TEX11: variants seen among roughly 807,000 people sequenced by gnomAD.
The protein encoded by TEX11 is testis expressed 11, also known as testis-expressed protein 11.
A neutral mutation model predicts 84.4 loss-of-function variants in TEX11; 7 were observed. The ratio of observed to expected loss-of-function variants is 0.08; its 90% CI spans 0.05 to 0.16. TEX11 has a LOEUF of 0.16. TEX11 is among the 10% of genes least tolerant of loss of function. The probability of loss-of-function intolerance (pLI) is 1.00; values close to 1 mark genes in which losing one functional copy is unlikely to be tolerated. For synonymous variants in TEX11, 264 were observed against 222.8 expected, an observed-to-expected ratio of 1.18 and a Z score of -1.64; for missense variants, 551 against 660.5, an observed-to-expected ratio of 0.83 and a Z score of 1.82.
intron 25 of TEX11, among the ~76,000 whole-genome samples, chrX:70,564,510 C>A (rs1024391529): frequency 3.7e-5 from 4 of 107,643 alleles, no homozygotes; most frequent in African/African-American, 1.4e-4. Context: ...CCCATTAACT[C>A]GTCATTTAGC....
chrX:70,529,137 G>A lies in TEX11; in HGVS notation c.2736C>T (p.Gly912=). ...QLVEALSNNK[G]PVFHEHGYWS... is the part of the protein sequence containing the mutation. ...AGTAGCCATGTTCATGAAAAACTGG[G>A]CCCTTGTTGTTACTCAATGCTTCCA... Residue 912 remains glycine (G), a synonymous_variant, in exon 30 of 30, where the codon GGC becomes GGT. Transcript: ENST00000374333. The A allele has an allele frequency of 8.3e-7, 1 of 1,210,650 alleles. No homozygotes were observed. The highest frequency in any genetic ancestry group is 1.1e-6 in the Non-Finnish European group (1 of 894,828).
chrX:70,795,526 G>C (rs1315935366), intron 9 of TEX11, among the ~76,000 whole-genome samples: 1 of 111,788 alleles, frequency 8.9e-6, no homozygotes, highest in Non-Finnish European at 1.9e-5. Context: ...AGCAGGCCTT[G>C]GGTGAGACCC....
chrX:70,818,988 C>A (rs1198580485), intron 8 of TEX11, among the ~76,000 whole-genome samples: 1 of 111,886 alleles, frequency 8.9e-6, no homozygotes, highest in African/African-American at 3.2e-5. Flanking sequence ...TACTAAATGG[C>A]TTCTCTGGTG....
chrX:70,904,466 G>A, intron 2 of TEX11, among the ~76,000 whole-genome samples: 1 of 111,914 alleles, frequency 8.9e-6, no homozygotes, highest in Non-Finnish European at 1.9e-5. Flanking sequence ...TTATTCCAAA[G>A]TAAAATGGTA....
intron 8 of TEX11, among the ~76,000 whole-genome samples, chrX:70,811,313 A>G (rs2091252780): frequency 9.1e-6 from 1 of 110,279 alleles, no homozygotes; most frequent in Non-Finnish European, 1.9e-5. Context: ...GCTGAGAATG[A>G]TGGTTTCCAG....
At chrX:70,612,946 T>C (rs1227250333) in intron 20 of TEX11, among the ~76,000 whole-genome samples, 1 of 111,147 alleles carries the variant, frequency 9.0e-6, no homozygotes, top group Non-Finnish European at 1.9e-5. Flanking sequence ...AAAAAATACC[T>C]TACCTAAAGA....
chrX:70,524,888 A>C (rs2087808676), downstream of TEX11, among the ~76,000 whole-genome samples: 1 of 112,630 alleles, frequency 8.9e-6, no homozygotes, highest in African/African-American at 3.2e-5. Context: ...AAAAACTGGA[A>C]GTAGGCCGGA....
chrX:70,637,394 C>T (rs1164456629), intron 17 of TEX11, among the ~76,000 whole-genome samples: 1 of 112,510 alleles, frequency 8.9e-6, no homozygotes, highest in Non-Finnish European at 1.9e-5. Context: ...TACTATATGA[C>T]CTGGCAATCC....
chrX:70,585,146 G>C (rs906992317), intron 25 of TEX11, among the ~76,000 whole-genome samples: 26 of 111,996 alleles, frequency 2.3e-4, no homozygotes, highest in African/African-American at 8.4e-4. Context: ...AAATCCCAAA[G>C]AAACCACAAG....
At chrX:70,709,600 A>C (rs1012491787) in intron 13 of TEX11, among the ~76,000 whole-genome samples, 1 of 111,647 alleles carries the variant, frequency 9.0e-6, no homozygotes, top group African/African-American at 3.2e-5. Flanking sequence ...GTATAGTGTA[A>C]GTTTATGGAA....
chrX:70,769,966 T>A (rs1313252675), intron 9 of TEX11, among the ~76,000 whole-genome samples: 1 of 111,955 alleles, frequency 8.9e-6, no homozygotes, highest in Non-Finnish European at 1.9e-5. Flanking sequence ...TCTTCTGTTA[T>A]CCTCATTCCA....
chrX:70,585,651 T>C (rs1458745741), intron 25 of TEX11, among the ~76,000 whole-genome samples: 2 of 112,277 alleles, frequency 1.8e-5, no homozygotes, highest in African/African-American at 3.2e-5. Context: ...ACCATACAGA[T>C]AGACATATAG....
At chrX:70,584,123 C>CA (rs1215551087) in intron 25 of TEX11, among the ~76,000 whole-genome samples, 15 of 100,219 alleles carry the variant, frequency 1.5e-4, no homozygotes, top group South Asian at 4.7e-4. Context: ...ACTAAAAATA[C>CA]AAAAAAAAAA....
chrX:70,864,671 G>A (rs757301768), intron 4 of TEX11, among the ~76,000 whole-genome samples: 2 of 105,643 alleles, frequency 1.9e-5, no homozygotes, highest in African/African-American at 6.9e-5. Flanking sequence ...AAACCCGGGA[G>A]GCAGGGGTTG....
At position 70,656,932 on chromosome X, in the gene TEX11, C is replaced by T. The variant is rs145979087; in HGVS notation, c.1381-5380G>A. Reference sequence around the variant, plus strand: ...TAGAGCTCCCCTCTGAGAGGCTCCACACTAAGGAGAAACTGCTGAGAGTAC... The same window carrying T: ...TAGAGCTCCCCTCTGAGAGGCTCCATACTAAGGAGAAACTGCTGAGAGTAC... On this transcript the variant is annotated intron_variant, in intron 16 of 29. Coordinates refer to ENST00000374333, the MANE Select transcript of TEX11 (RefSeq NM_031276.3). Among the ~76,000 whole-genome samples, 561 of 111,782 alleles carry T rather than the reference C, an allele frequency of 5.0e-3. 4 individuals are homozygous for T. The highest frequency in any genetic ancestry group is 0.017 in the African/African-American group (532 of 30,761).
At chrX:70,819,593 G>A (rs1374151635) in intron 8 of TEX11, among the ~76,000 whole-genome samples, 2 of 110,143 alleles carry the variant, frequency 1.8e-5, no homozygotes, top group African/African-American at 6.6e-5. Flanking sequence ...ACAGCAATTA[G>A]GAAAGAAAAA....
chrX:70,876,690 G>T (rs1322344165), intron 3 of TEX11, among the ~76,000 whole-genome samples: 1 of 111,654 alleles, frequency 9.0e-6, no homozygotes, highest in Admixed American at 9.6e-5. Context: ...GGAGGCCAAA[G>T]AGGGCAGATT....
At chrX:70,742,018 T>C (rs1461450288) in intron 10 of TEX11, among the ~76,000 whole-genome samples, 2 of 111,763 alleles carry the variant, frequency 1.8e-5, no homozygotes, top group Non-Finnish European at 3.8e-5. Flanking sequence ...TATGCTCTTA[T>C]GAATTCTAGG....
intron 24 of TEX11, among the ~76,000 whole-genome samples, chrX:70,603,696 AC>A (rs2089160209): frequency 9.0e-6 from 1 of 111,642 alleles, no homozygotes; most frequent in Admixed American, 9.5e-5. Context: ...GCCAAAATTG[AC>A]AAATGGGATC....
Sources: allele counts gnomAD v4.1 joint callset (sites outside exome capture counted in the v4.1 genomes callset), GRCh38; gene constraint gnomAD v4.1.1; transcripts MANE v1.5; gene names NCBI Gene and HGNC (gene_info 2026-07-23, HGNC 2026-07-21).